ATP8A2: variants seen among roughly 807,000 people sequenced by gnomAD.
ATP8A2 encodes the protein ATPase phospholipid transporting 8A2, also known as phospholipid-transporting ATPase IB.
Under a neutral mutation model 165.6 loss-of-function variants are expected in ATP8A2, and 100 were observed. That is an observed-to-expected ratio of 0.60 (90% CI 0.51 to 0.71). The LOEUF (loss-of-function observed/expected upper bound fraction) is 0.71, where lower values mean the gene tolerates loss of function less well. ATP8A2 is among the 30% of genes least tolerant of loss of function. The pLI, the probability that ATP8A2 is intolerant of heterozygous loss-of-function variation, is 0.00. For missense variants in ATP8A2, 1,227 were observed against 1,479.5 expected (o/e 0.83, Z 2.80); for synonymous variants, 543 against 548.8 (o/e 0.99, Z 0.15).
chr13:25,766,314 C>A (rs1184557263), intron 25 of ATP8A2, among the ~76,000 whole-genome samples: 1 of 152,112 alleles, frequency 6.6e-6, no homozygotes, highest in Non-Finnish European at 1.5e-5. Flanking sequence ...TAGGTAAAGT[C>A]AAATAATTTA....
intron 24 of ATP8A2, among the ~76,000 whole-genome samples, chr13:25,684,975 A>C (rs1235462376): frequency 6.6e-6 from 1 of 152,218 alleles, no homozygotes; most frequent in Non-Finnish European, 1.5e-5. Flanking sequence ...GGAGGAGTTT[A>C]TTAGGCTTTG....
At chr13:25,824,047 T>C (rs112773305) in intron 27 of ATP8A2, among the ~76,000 whole-genome samples, 3 of 152,268 alleles carry the variant, frequency 2.0e-5, no homozygotes, top group Middle Eastern at 3.4e-3. Flanking sequence ...CTTGGCTCTA[T>C]GCAACCTCCA....
intron 1 of ATP8A2, among the ~76,000 whole-genome samples, chr13:25,383,084 T>C (rs1424803418): frequency 6.9e-6 from 1 of 144,552 alleles, no homozygotes; most frequent in African/African-American, 2.6e-5. Context: ...TCTTGCTTTG[T>C]TGCCAGGCTG....
At chr13:26,000,630 G>A (rs1162808314) in intron 35 of ATP8A2, among the ~76,000 whole-genome samples, 1 of 140,352 alleles carries the variant, frequency 7.1e-6, no homozygotes, top group East Asian at 2.2e-4. Context: ...TCTGGGTGAA[G>A]TAATGTCTAC....
intron 33 of ATP8A2, chr13:25,863,142 G>C (rs1032216656): frequency 1.3e-5 from 2 of 152,256 alleles, no homozygotes; most frequent in African/African-American, 4.8e-5. Flanking sequence ...ACCCCACCCT[G>C]GAGTTGCCCA....
At chr13:25,476,022 A>C (rs1481825184) in intron 2 of ATP8A2, among the ~76,000 whole-genome samples, 1 of 152,194 alleles carries the variant, frequency 6.6e-6, no homozygotes, top group African/African-American at 2.4e-5. Context: ...CCTTAAGTTT[A>C]ATTAGATGGG....
chr13:25,724,066 C>G (rs2043442245), intron 25 of ATP8A2, among the ~76,000 whole-genome samples: 1 of 152,178 alleles, frequency 6.6e-6, no homozygotes, highest in South Asian at 2.1e-4. Context: ...CTCTAAGGAA[C>G]TGAATTCTGT....
At chr13:25,924,340 G>T (rs997033530) in intron 33 of ATP8A2, among the ~76,000 whole-genome samples, 1 of 152,174 alleles carries the variant, frequency 6.6e-6, no homozygotes, top group Admixed American at 6.5e-5. Flanking sequence ...GACAGGGTTG[G>T]TTCCCTCTCA....
rs4770833 is a variant in ATP8A2, at chr13:25,437,881, T to A, written c.77-31096T>A. On this transcript the variant is annotated intron_variant, in intron 1 of 36. Transcript: ENST00000381655. The stretch of plus-strand genomic sequence containing the variant: ...CCTGGAATCTTTATAATACCCAAAA[T>A]GATTCTTTGCCACTGGACAACCTCC... Among the ~76,000 whole-genome samples the A allele has an allele frequency of 2.0e-5, 3 of 151,974 alleles. No homozygotes were observed. In the South Asian group the frequency reaches 6.2e-4, roughly 32 times the overall value.
intron 24 of ATP8A2, among the ~76,000 whole-genome samples, chr13:25,616,897 G>A (rs556097874): frequency 6.6e-6 from 1 of 152,244 alleles, no homozygotes; most frequent in South Asian, 2.1e-4. Context: ...CCTTTGACAC[G>A]TGTGGCAGCT....
rs555217046 is a variant in ATP8A2 at position 25,574,856 on chromosome 13, A to G, written c.1711A>G (p.Ser571Gly). 1.1e-4 allele frequency: 162 copies of G among 1,520,706 alleles called. 1 individual carries two copies. The South Asian group carries it at 1.7e-3, about 16-fold the overall frequency. The allele number at this position is 1,520,706 out of a possible 1,614,324, so 94.2% of individuals were successfully genotyped here. A position where few individuals can be genotyped will look rare whatever the true frequency, so the allele number is the denominator to read the frequency against. ...AATCCTTAATGTCCTGGAATTTTCTAGGTATGTTTCTCTTTCATACGTTTG... is the reference window on the plus strand; with the variant it reads ...AATCCTTAATGTCCTGGAATTTTCTGGGTATGTTTCTCTTTCATACGTTTG... ...FGILNVLEFSSDRKRMSVIVR... is the reference protein window; with the variant it reads ...FGILNVLEFSGDRKRMSVIVR... The change falls in exon 19 of 37, where the codon AGT becomes GGT. Residue 571 changes from serine (S) to glycine (G), a missense_variant and splice_region_variant. This residue lies in a region of ATP8A2 where 592 missense variants were observed against 785.6 expected (regional missense o/e 0.75). Coordinates refer to ENST00000381655, the MANE Select transcript of ATP8A2 (RefSeq NM_016529.6).
At chr13:25,905,536 C>T (rs1225471072) in intron 33 of ATP8A2, among the ~76,000 whole-genome samples, 1 of 152,164 alleles carries the variant, frequency 6.6e-6, no homozygotes, top group Non-Finnish European at 1.5e-5. Flanking sequence ...TCCCTGTGCT[C>T]CCTCCTCCAC....
At chr13:25,692,404 G>A (rs1407114065) in intron 24 of ATP8A2, among the ~76,000 whole-genome samples, 1 of 152,118 alleles carries the variant, frequency 6.6e-6, no homozygotes, top group Non-Finnish European at 1.5e-5. Context: ...GAAATCCCTC[G>A]TGGCCCTGCC....
chr13:25,929,151 A>T (rs1434057384), intron 33 of ATP8A2, among the ~76,000 whole-genome samples: 2 of 152,090 alleles, frequency 1.3e-5, no homozygotes, highest in Non-Finnish European at 2.9e-5. Flanking sequence ...TGAAGAGACA[A>T]ATATGGGCAT....
chr13:25,551,976 T>A (rs2038837552), intron 11 of ATP8A2, among the ~76,000 whole-genome samples: 3 of 151,978 alleles, frequency 2.0e-5, no homozygotes, highest in Non-Finnish European at 4.4e-5. Flanking sequence ...AAAAAGTATA[T>A]TGATAGTGTT....
intron 5 of ATP8A2, 56 bp from the exon 6 acceptor site, chr13:25,533,217 A>G: frequency 2.2e-6 from 2 of 903,834 alleles, no homozygotes; most frequent in Non-Finnish European, 3.5e-6. Flanking sequence ...GGATTTTAGG[A>G]AGCTGATTCA....
chr13:25,696,706 T>G (rs1481054002), intron 24 of ATP8A2, among the ~76,000 whole-genome samples: 2 of 152,214 alleles, frequency 1.3e-5, no homozygotes, highest in Non-Finnish European at 2.9e-5. Context: ...TAGGCTTTGA[T>G]TTAAGGGAAT....
chr13:25,577,703 G>C (rs1228613066), intron 20 of ATP8A2, among the ~76,000 whole-genome samples: 1 of 152,144 alleles, frequency 6.6e-6, no homozygotes, highest in Admixed American at 6.5e-5. Context: ...TCAAAGGAAA[G>C]ATGTTATTGC....
chr13:25,954,706 T>C (rs572731706), intron 33 of ATP8A2, among the ~76,000 whole-genome samples: 1 of 152,188 alleles, frequency 6.6e-6, no homozygotes, highest in Non-Finnish European at 1.5e-5. Context: ...CTGCTGTTGA[T>C]ACCCAGACAA....
Sources: allele counts gnomAD v4.1 joint callset (sites outside exome capture counted in the v4.1 genomes callset), GRCh38; gene constraint gnomAD v4.1.1; regional missense constraint gnomAD v4.1.1; transcripts MANE v1.5; gene names NCBI Gene and HGNC (gene_info 2026-07-23, HGNC 2026-07-21).